ATP10B: variants seen among roughly 807,000 people sequenced by gnomAD.
The protein encoded by ATP10B is phospholipid-transporting ATPase VB.
Under a neutral mutation model 141.2 loss-of-function variants are expected in ATP10B, and 122 were observed. The observed-to-expected ratio is 0.86, with a 90% CI of 0.75 to 1.00. The LOEUF (loss-of-function observed/expected upper bound fraction) is 1.00, where lower values mean the gene tolerates loss of function less well. Among genes scored for constraint, ATP10B ranks in the 50% least tolerant of loss-of-function variants. The pLI, the probability that ATP10B is intolerant of heterozygous loss-of-function variation, is 0.00. For synonymous variants in ATP10B, 685 were observed against 692.0 expected, an observed-to-expected ratio of 0.99 and a Z score of 0.16; for missense variants, 1,876 against 1,825.3, an observed-to-expected ratio of 1.03 and a Z score of -0.51.
intron 1 of ATP10B, among the ~76,000 whole-genome samples, chr5:160,801,303 CT>C (rs1363679131): frequency 2.0e-5 from 3 of 152,148 alleles, no homozygotes; most frequent in African/African-American, 7.2e-5. Flanking sequence ...CCTGCAGTGC[CT>C]TTACTTATGC....
At chr5:160,908,661 T>A in the ATP10B span, among the ~76,000 whole-genome samples, 8 of 152,334 alleles carry the variant, frequency 5.3e-5, no homozygotes, top group Admixed American at 5.2e-4. Flanking sequence ...ACAATGGTGA[T>A]CTGAAAGGCA....
At chr5:160,715,886 G>A (rs375598193) in intron 3 of ATP10B, among the ~76,000 whole-genome samples, 2 of 151,670 alleles carry the variant, frequency 1.3e-5, no homozygotes, top group Non-Finnish European at 2.9e-5. Context: ...AATTTTTGTA[G>A]TTTTAGTTGA....
intron 2 of ATP10B, among the ~76,000 whole-genome samples, chr5:160,729,607 C>G (rs1043505865): frequency 6.6e-6 from 1 of 152,100 alleles, no homozygotes; most frequent in South Asian, 2.1e-4. Flanking sequence ...GAGGTGACAA[C>G]GGTAGTGGCA....
At chr5:160,578,885 G>T (rs1755365790) in intron 24 of ATP10B, among the ~76,000 whole-genome samples, 1 of 152,218 alleles carries the variant, frequency 6.6e-6, no homozygotes, top group Non-Finnish European at 1.5e-5. Context: ...TCTAACTGGA[G>T]TGAGATGGTA....
chr5:160,927,639 C>T, the ATP10B span, among the ~76,000 whole-genome samples: 1 of 152,150 alleles, frequency 6.6e-6, no homozygotes, highest in Non-Finnish European at 1.5e-5. Flanking sequence ...CTGTTCCCTT[C>T]GATTACTCAT....
At chr5:160,671,969 CT>C (rs70990741) in intron 6 of ATP10B, among the ~76,000 whole-genome samples, 8,199 of 67,434 alleles carry the variant, frequency 0.12, 260 homozygotes, top group African/African-American at 0.3. Flanking sequence ...GCAATGCATC[CT>C]TTTTTTTTTT....
chr5:160,862,079 G>A, the ATP10B span, among the ~76,000 whole-genome samples: 1 of 151,936 alleles, frequency 6.6e-6, no homozygotes, highest in Admixed American at 6.6e-5. Context: ...ATTGGTAAAA[G>A]GGGAATTAGT....
At position 160,592,269 on chromosome 5, in the gene ATP10B, A is replaced by G. The variant is rs1756358723; in HGVS notation, c.3565-1130T>C. The stretch of plus-strand genomic sequence containing the variant: ...TTACCCAATGAAAAGCAAAGTAGCT[A>G]TAAATCCCAAGGGTTCTCAAACTGG... On this transcript the variant is annotated intron_variant, in intron 22 of 25. Coordinates refer to ENST00000327245, the MANE Select transcript of ATP10B (RefSeq NM_025153.3). Among the ~76,000 whole-genome samples the G allele has an allele frequency of 3.3e-5, 5 of 152,232 alleles. No homozygotes were observed. The South Asian group carries it at 1.0e-3, about 32-fold the overall frequency.
the ATP10B span, among the ~76,000 whole-genome samples, chr5:160,879,817 G>A: frequency 7.2e-5 from 11 of 152,116 alleles, no homozygotes; most frequent in Non-Finnish European, 1.2e-4. Context: ...CAGCCTGGGC[G>A]ACAGAGCAAG....
chr5:160,818,184 A>G (rs1773818147), intron 1 of ATP10B, among the ~76,000 whole-genome samples: 2 of 152,234 alleles, frequency 1.3e-5, no homozygotes, highest in South Asian at 2.1e-4. Flanking sequence ...CTGCACAGCA[A>G]AAGAAACTAC....
rs368669112 is a variant in ATP10B at position 160,640,248 on chromosome 5, C to T, written c.1000+213G>A. 9.9e-5 allele frequency among the ~76,000 whole-genome samples: 15 copies of T among 152,270 alleles called. No homozygotes were observed. The South Asian group carries it at 3.1e-3, about 32-fold the overall frequency. ...CCTGTGTTCAGTAAATATTTCTTGA[C>T]CAAATAAATATCAGATGATATTCTG... On this transcript the variant is annotated intron_variant, in intron 10 of 25. Coordinates refer to ENST00000327245, the MANE Select transcript of ATP10B (RefSeq NM_025153.3).
intron 6 of ATP10B, among the ~76,000 whole-genome samples, chr5:160,671,897 A>G (rs10043386): frequency 0.67 from 100,432 of 150,882 alleles, 33,968 homozygotes; most frequent in Middle Eastern, 0.78. Context: ...CTGCTTGGGT[A>G]TACTACCTCC....
At chr5:160,764,878 T>G (rs1769292860) in intron 2 of ATP10B, among the ~76,000 whole-genome samples, 1 of 152,154 alleles carries the variant, frequency 6.6e-6, no homozygotes, top group Non-Finnish European at 1.5e-5. Flanking sequence ...GGATACAAAA[T>G]TAATGTACAC....
chr5:160,606,655 AC>A, intron 19 of ATP10B, 109 bp downstream of exon 19: 2 of 1,070,590 alleles, frequency 1.9e-6, no homozygotes, highest in African/African-American at 1.6e-5. Flanking sequence ...TAAGACAATG[AC>A]TCACAGCCTA....
chr5:160,894,430 G>T, the ATP10B span, among the ~76,000 whole-genome samples: 2 of 151,732 alleles, frequency 1.3e-5, no homozygotes, highest in East Asian at 1.9e-4. Flanking sequence ...TAGCCAAATC[G>T]ATCAAGCAGA....
chr5:160,575,225 T>C (rs1165688453), intron 24 of ATP10B, among the ~76,000 whole-genome samples: 1 of 152,216 alleles, frequency 6.6e-6, no homozygotes, highest in East Asian at 1.9e-4. Flanking sequence ...TTTTTTTACA[T>C]TCATATTTTG....
intron 2 of ATP10B, among the ~76,000 whole-genome samples, chr5:160,783,380 C>CAT (rs202225620): frequency 0.039 from 5,299 of 136,828 alleles, 229 homozygotes; most frequent in East Asian, 0.23. Flanking sequence ...AGTATTTCAT[C>CAT]ATATATATAT....
intron 6 of ATP10B, among the ~76,000 whole-genome samples, chr5:160,682,696 C>T (rs1272496920): frequency 6.6e-6 from 1 of 152,022 alleles, no homozygotes; most frequent in Non-Finnish European, 1.5e-5. Context: ...AAAAACAAGA[C>T]AGTAAGGTGG....
chr5:160,763,210 G>T (rs1380914663), intron 2 of ATP10B, among the ~76,000 whole-genome samples: 1 of 152,038 alleles, frequency 6.6e-6, no homozygotes, highest in East Asian at 1.9e-4. Flanking sequence ...TAGAACAAAT[G>T]GACTTAACAG....
Sources: allele counts gnomAD v4.1 joint callset (sites outside exome capture counted in the v4.1 genomes callset), GRCh38; gene constraint gnomAD v4.1.1; transcripts MANE v1.5; gene names NCBI Gene and HGNC (gene_info 2026-07-23, HGNC 2026-07-21).